The following RANBP2 variants were observed in gnomAD, a reference collection of about 807,000 sequenced individuals.
RANBP2 encodes RAN binding protein 2.
A neutral mutation model predicts 303.6 loss-of-function variants in RANBP2; 57 were observed. The ratio of observed to expected loss-of-function variants is 0.19; its 90% confidence interval spans 0.15 to 0.23. The LOEUF is 0.23. RANBP2 is among the 10% of genes least tolerant of loss of function. The pLI is 1.00. For synonymous variants in RANBP2, 1,167 were observed against 1,301.5 expected (o/e 0.90, Z 2.23); for missense variants, 3,138 against 3,780.8 (o/e 0.83, Z 4.46).
At chr2:109,499,363 AT>A in the RANBP2 span, among the ~76,000 whole-genome samples, 8 of 152,144 alleles carry the variant, frequency 5.3e-5, no homozygotes, top group Admixed American at 3.9e-4. Context: ...GGCAGAGAGA[AT>A]AGCTGCACCC....
intron 20 of RANBP2, 136 bp from the exon 21 acceptor site, chr2:108,771,565 C>G (rs1677496518): frequency 3.5e-6 from 5 of 1,410,392 alleles, no homozygotes; most frequent in Non-Finnish European, 3.8e-6. Context: ...TACATCTCTG[C>G]ATCAAAGTAT....
At chr2:109,500,855 T>C in the RANBP2 span, among the ~76,000 whole-genome samples, 1 of 151,964 alleles carries the variant, frequency 6.6e-6, no homozygotes, top group Non-Finnish European at 1.5e-5. Flanking sequence ...GAGGCTGAGG[T>C]GGGAGGCTTA....
At chr2:108,769,217 G>A (rs958832706) in intron 20 of RANBP2, 1 of 984,808 alleles carries the variant, frequency 1.0e-6, no homozygotes, top group African/African-American at 1.7e-5. Context: ...TATTCATTTT[G>A]TTTCCTAAAA....
chr2:109,054,420 G>T, the RANBP2 span, among the ~76,000 whole-genome samples: 1 of 152,162 alleles, frequency 6.6e-6, no homozygotes, highest in African/African-American at 2.4e-5. Context: ...AGAGTTTGGT[G>T]AGTTGGCTGG....
chr2:108,806,452 G>A, the RANBP2 span, among the ~76,000 whole-genome samples: 1 of 152,286 alleles, frequency 6.6e-6, no homozygotes, highest in East Asian at 1.9e-4. Context: ...TGTACAAACT[G>A]AAAAAATTTG....
chr2:109,163,222 A>G, the RANBP2 span, among the ~76,000 whole-genome samples: 6 of 152,126 alleles, frequency 3.9e-5, no homozygotes, highest in African/African-American at 1.4e-4. Flanking sequence ...GCACAAGCCC[A>G]GAACTATTTT....
the RANBP2 span, among the ~76,000 whole-genome samples, chr2:109,326,945 G>A: frequency 6.6e-6 from 1 of 152,116 alleles, no homozygotes; most frequent in Non-Finnish European, 1.5e-5. Flanking sequence ...TCAACTGCTG[G>A]GTTATTGACA....
the RANBP2 span, among the ~76,000 whole-genome samples, chr2:108,961,405 A>T: frequency 6.6e-6 from 1 of 152,260 alleles, no homozygotes; most frequent in East Asian, 1.9e-4. Flanking sequence ...GGAGGCAGGC[A>T]GGGAGGAGCC....
At chr2:109,733,949 C>T in the RANBP2 span, among the ~76,000 whole-genome samples, 19 of 151,702 alleles carry the variant, frequency 1.3e-4, no homozygotes, top group African/African-American at 3.6e-4. Context: ...ACGTGGGCCG[C>T]GGGCGGATCA....
At chr2:108,780,134 A>G (rs1028276125) in intron 25 of RANBP2, among the ~76,000 whole-genome samples, 5 of 151,458 alleles carry the variant, frequency 3.3e-5, no homozygotes, top group African/African-American at 1.2e-4. Context: ...TAACAATAAT[A>G]AATGTACTCT....
chr2:109,670,463 C>T, the RANBP2 span, among the ~76,000 whole-genome samples: 83 of 148,980 alleles, frequency 5.6e-4, no homozygotes, highest in Middle Eastern at 3.5e-3. Context: ...CACAACTGCC[C>T]GAGGCAGATG....
the RANBP2 span, among the ~76,000 whole-genome samples, chr2:108,967,712 C>T: frequency 6.6e-6 from 1 of 152,116 alleles, no homozygotes; most frequent in African/African-American, 2.4e-5. Flanking sequence ...TTCCCCTTAT[C>T]CCTCAAAGCT....
At chr2:109,605,814 C>T in the RANBP2 span, 2 of 152,132 alleles carry the variant, frequency 1.3e-5, no homozygotes, top group Non-Finnish European at 2.9e-5. Flanking sequence ...GACAAGCAGC[C>T]TATCTTCTAC....
At chr2:109,685,366 G>A in the RANBP2 span, among the ~76,000 whole-genome samples, 3 of 152,188 alleles carry the variant, frequency 2.0e-5, no homozygotes, top group Non-Finnish European at 2.9e-5. Flanking sequence ...CTAAGGGTAC[G>A]TATGTATATT....
the RANBP2 span, among the ~76,000 whole-genome samples, chr2:109,434,557 G>T: frequency 6.6e-6 from 1 of 152,196 alleles, no homozygotes; most frequent in African/African-American, 2.4e-5. Flanking sequence ...ACACTGGACT[G>T]CCTTCCACCC....
the RANBP2 span, among the ~76,000 whole-genome samples, chr2:109,711,962 G>A: frequency 6.6e-6 from 1 of 152,208 alleles, no homozygotes; most frequent in Non-Finnish European, 1.5e-5. Flanking sequence ...CTCAGGGCAA[G>A]AGTTTACAAT....
the RANBP2 span, among the ~76,000 whole-genome samples, chr2:109,589,653 T>A: frequency 2.6e-5 from 4 of 152,190 alleles, no homozygotes; most frequent in African/African-American, 9.6e-5. Flanking sequence ...GCTGATAAAT[T>A]TGCTAGTCTG....
the RANBP2 span, among the ~76,000 whole-genome samples, chr2:109,496,097 C>T: frequency 0.14 from 20,732 of 152,198 alleles, 1,548 homozygotes; most frequent in East Asian, 0.21. Context: ...TATTTGTCCC[C>T]TCCCATGTTC....
the RANBP2 span, among the ~76,000 whole-genome samples, chr2:108,866,711 C>T: frequency 1.2e-3 from 184 of 152,120 alleles, no homozygotes; most frequent in African/African-American, 4.4e-3. Flanking sequence ...AGTGAAACCC[C>T]GTCTCTACTA....
Sources: allele counts gnomAD v4.1 joint callset (sites outside exome capture counted in the v4.1 genomes callset), GRCh38; gene constraint gnomAD v4.1.1; transcripts MANE v1.5; gene names NCBI Gene and HGNC (gene_info 2026-07-23, HGNC 2026-07-21).